The following NLRP5 variants were observed in gnomAD, a reference collection of about 807,000 sequenced individuals.
NLRP5 encodes the protein NACHT, LRR and PYD domains-containing protein 5.
A neutral mutation model predicts 113.1 loss-of-function variants in NLRP5; 93 were observed. The observed-to-expected ratio is 0.82, with a 90% CI of 0.70 to 0.98. The LOEUF (loss-of-function observed/expected upper bound fraction) is 0.98, where lower values mean the gene tolerates loss of function less well. Among genes scored for constraint, NLRP5 ranks in the 50% least tolerant of loss-of-function variants. The pLI, the probability that NLRP5 is intolerant of heterozygous loss-of-function variation, is 0.00. For synonymous variants in NLRP5, 751 were observed against 600.7 expected, an observed-to-expected ratio of 1.25 and a Z score of -3.66; for missense variants, 1,808 against 1,514.3, an observed-to-expected ratio of 1.19 and a Z score of -3.22.
At chr19:56,004,955 G>A (rs149564881) in intron 2 of NLRP5, among the ~76,000 whole-genome samples, 1,534 of 151,700 alleles carry the variant, frequency 0.01, 15 homozygotes, top group Middle Eastern at 0.024. Context: ...TTAGCCAGGC[G>A]TCATGGCACA....
At chr19:55,988,735 G>C in the NLRP5 span, 1 of 151,922 alleles carries the variant, frequency 6.6e-6, no homozygotes, top group Non-Finnish European at 1.5e-5. Context: ...GAGCGGTAAG[G>C]GAAATGTTTA....
intron 6 of NLRP5, among the ~76,000 whole-genome samples, chr19:56,024,916 T>C (rs560302707): frequency 5.9e-4 from 90 of 151,954 alleles, no homozygotes; most frequent in Non-Finnish European, 7.5e-4. Flanking sequence ...AAGCTTCATC[T>C]GTATTTACAG....
intron 3 of NLRP5, among the ~76,000 whole-genome samples, chr19:56,015,237 G>A (rs967769762): frequency 1.3e-5 from 2 of 152,140 alleles, no homozygotes; most frequent in Non-Finnish European, 1.5e-5. Context: ...TTTCACTCTT[G>A]TTGCCCAGGC....
intron 6 of NLRP5, among the ~76,000 whole-genome samples, chr19:56,024,421 T>TTG (rs1555766887): frequency 2.8e-5 from 4 of 141,776 alleles, no homozygotes; most frequent in African/African-American, 1.1e-4. Context: ...TGTATATATG[T>TTG]TATATATACA....
At chr19:56,038,706 A>AG (rs1184361244) in intron 10 of NLRP5, among the ~76,000 whole-genome samples, 1 of 152,152 alleles carries the variant, frequency 6.6e-6, no homozygotes, top group Non-Finnish European at 1.5e-5. Flanking sequence ...TATGGAGACG[A>AG]GGGAGCCCAG....
intron 11 of NLRP5, among the ~76,000 whole-genome samples, chr19:56,048,648 A>G (rs1398135412): frequency 6.6e-6 from 1 of 152,080 alleles, no homozygotes; most frequent in East Asian, 1.9e-4. Flanking sequence ...AGTTCTTAAG[A>G]TTCTTTCCTT....
chr19:56,014,298 G>A (rs922733375), intron 3 of NLRP5, among the ~76,000 whole-genome samples: 1 of 152,000 alleles, frequency 6.6e-6, no homozygotes. Flanking sequence ...GGCCAACATG[G>A]TGAAACCCTG....
intron 11 of NLRP5, among the ~76,000 whole-genome samples, chr19:56,043,779 A>T (rs550283): frequency 6.6e-6 from 1 of 151,136 alleles, no homozygotes; most frequent in Non-Finnish European, 1.5e-5. Flanking sequence ...GGGTTTCACC[A>T]CGTTAGCCAG....
intron 11 of NLRP5, among the ~76,000 whole-genome samples, chr19:56,046,685 C>T (rs989548830): frequency 3.3e-5 from 5 of 151,934 alleles, no homozygotes; most frequent in Admixed American, 6.6e-5. Context: ...GGACTACAGG[C>T]GCCCGCCACT....
chr19:55,998,939 T>C (rs1981491957), upstream of NLRP5, among the ~76,000 whole-genome samples: 1 of 151,540 alleles, frequency 6.6e-6, no homozygotes, highest in Non-Finnish European at 1.5e-5. Context: ...AATCTACTTT[T>C]AGCAATTTTG....
At chr19:56,022,764 G>A (rs1373221784) in intron 6 of NLRP5, among the ~76,000 whole-genome samples, 4 of 152,160 alleles carry the variant, frequency 2.6e-5, no homozygotes, top group East Asian at 1.9e-4. Context: ...AGCTCTTGTT[G>A]TCCAGGCTGG....
chr19:56,061,607 C>A lies in NLRP5; in HGVS notation c.*79C>A, dbSNP rs2123350698. 6.9e-7 allele frequency: 1 copy of A among 1,441,842 alleles called. No homozygotes were observed. The highest frequency in any genetic ancestry group is 9.6e-7 in the Non-Finnish European group (1 of 1,036,852). 89.3% of individuals were successfully genotyped at this position (1,441,842 alleles called of 1,614,324 possible). On this transcript the variant is annotated 3_prime_UTR_variant, in exon 15 of 15. Coordinates refer to ENST00000390649, the MANE Select transcript of NLRP5 (RefSeq NM_153447.4). ...TGTTTTCTCAGAGCAAGCTATGCAC[C>A]TGGGAGTTCCTTCTCAAAGATGGAG...
intron 4 of NLRP5, among the ~76,000 whole-genome samples, chr19:56,017,497 T>C (rs181564500): frequency 6.6e-6 from 1 of 152,202 alleles, no homozygotes; most frequent in Admixed American, 6.6e-5. Flanking sequence ...TTTCAAAGTA[T>C]TTAATTCCCT....
intron 11 of NLRP5, among the ~76,000 whole-genome samples, chr19:56,049,164 TTATA>T (rs1357054887): frequency 7.7e-5 from 4 of 52,108 alleles, no homozygotes; most frequent in South Asian, 1.0e-3. Flanking sequence ...TTTTTATTTT[TTATA>T]TTTATTTATT....
rs140446736 is a variant in NLRP5, at chr19:56,042,456, C to A, written c.2957+1364C>A. On this transcript the variant is annotated intron_variant, in intron 11 of 14. Coordinates refer to ENST00000390649, the MANE Select transcript of NLRP5 (RefSeq NM_153447.4). ...CCTCCCCTCCCAGGTTCAAGCGATTCTCCTGCTTCAGCCTCCCAAGTAGAT... is the reference window on the plus strand; with the variant it reads ...CCTCCCCTCCCAGGTTCAAGCGATTATCCTGCTTCAGCCTCCCAAGTAGAT... 3.7e-3 allele frequency among the ~76,000 whole-genome samples: 565 copies of A among 152,288 alleles called. 2 individuals are homozygous for A. Among genetic ancestry groups the A allele is most frequent in the African/African-American group, 0.013 (523 of 41,564 alleles).
chr19:56,002,937 A>G (rs1031754870), intron 1 of NLRP5, among the ~76,000 whole-genome samples: 50 of 152,234 alleles, frequency 3.3e-4, no homozygotes, highest in African/African-American at 1.2e-3. Context: ...AATGGCGATC[A>G]TTAAAAAGTC....
rs372293301 is a variant in NLRP5 at position 56,058,302 on chromosome 19, A to G, written c.3362A>G (p.Asn1121Ser). 1 of 1,613,990 alleles carries G rather than the reference A, an allele frequency of 6.2e-7. No homozygotes were observed. Among genetic ancestry groups the G allele is most frequent in the South Asian group, 1.1e-5 (1 of 91,084 alleles). ...GCACTCTCCTTGGCCCTTTCCTGCAACCGGCATCTGACCAGTCTAAACCTG... is the reference window on the plus strand; with the variant it reads ...GCACTCTCCTTGGCCCTTTCCTGCAGCCGGCATCTGACCAGTCTAAACCTG... The change falls in exon 14 of 15, where the codon AAC (asparagine) becomes AGC (serine). Residue 1121 changes from asparagine to serine, a missense_variant. Coordinates refer to ENST00000390649, the MANE Select transcript of NLRP5 (RefSeq NM_153447.4).
chr19:55,999,200 T>C (rs1477807880), upstream of NLRP5, among the ~76,000 whole-genome samples: 1 of 144,762 alleles, frequency 6.9e-6, no homozygotes. Flanking sequence ...CTAAATCTTT[T>C]TTTTTCTTTT....
In NLRP5 at chr19:56,033,770, T is replaced by A. The variant is rs188094691; in HGVS notation, c.2615+61T>A. On this transcript the variant is annotated intron_variant, in intron 9 of 14. Coordinates refer to ENST00000390649, the MANE Select transcript of NLRP5 (RefSeq NM_153447.4). ...TCGTTTTTACTTGTGTTTGAAATGA[T>A]TACATAAAGTGGCAAAAATTAAAGA... The A allele has an allele frequency of 5.9e-4, 837 of 1,430,394 alleles. 7 individuals are homozygous for A. The African/African-American group carries it at 0.011, about 19-fold the overall frequency. 88.6% of individuals were successfully genotyped at this position (1,430,394 alleles called of 1,614,324 possible).
Sources: allele counts gnomAD v4.1 joint callset (sites outside exome capture counted in the v4.1 genomes callset), GRCh38; gene constraint gnomAD v4.1.1; transcripts MANE v1.5; gene names NCBI Gene and HGNC (gene_info 2026-07-23, HGNC 2026-07-21).